Variants in HIF1A observed in about 807,000 individuals in gnomAD.
HIF1A encodes hypoxia inducible factor 1 subunit alpha.
Under a neutral mutation model 92.7 loss-of-function variants are expected in HIF1A, and 24 were observed. The ratio of observed to expected loss-of-function variants is 0.26; its 90% CI spans 0.19 to 0.36. HIF1A has a LOEUF of 0.36. Ranked by LOEUF, HIF1A falls within the 10% of genes least tolerant of loss-of-function variation. The probability of loss-of-function intolerance (pLI) is 1.00; values close to 1 mark genes in which losing one functional copy is unlikely to be tolerated. For missense variants in HIF1A, 799 were observed against 998.5 expected (o/e 0.80, Z 2.69); for synonymous variants, 319 against 338.7 (o/e 0.94, Z 0.64).
chr14:61,701,921 G>A (rs1181010889), intron 1 of HIF1A, among the ~76,000 whole-genome samples: 11 of 152,126 alleles, frequency 7.2e-5, no homozygotes, highest in Admixed American at 7.2e-4. Context: ...CTGGGAGGCG[G>A]AGGTTGCGGT....
chr14:61,729,369 G>A (rs2044546053), intron 6 of HIF1A, among the ~76,000 whole-genome samples: 1 of 151,314 alleles, frequency 6.6e-6, no homozygotes, highest in South Asian at 2.1e-4. Flanking sequence ...GGCTGAGGTA[G>A]GAGAATTGCT....
Position 61,747,860 on chromosome 14 carries a change from AC to A in HIF1A, c.*778del, listed in dbSNP as rs996771147. The A allele has an allele frequency of 3.3e-5, 5 of 152,492 alleles. No homozygotes were observed. The highest frequency in any genetic ancestry group is 1.2e-4 in the African/African-American group (5 of 41,442). 9.4% of individuals were successfully genotyped at this position (152,492 alleles called of 1,614,324 possible). On this transcript the variant is annotated 3_prime_UTR_variant, in exon 15 of 15. Transcript: ENST00000337138. ...CTTTGCCAGCTCAAAAGAAAACAAT[AC>A]CCTATGTAGTTGTGGAAGTTTATGC... is the stretch of plus-strand genomic sequence containing the variant.
rs375369096 is a variant in HIF1A at position 61,734,369 on chromosome 14, A to G, written c.1028+84A>G. 5 of 884,100 alleles carry G rather than the reference A, an allele frequency of 5.7e-6. No homozygotes were observed. In the South Asian group the frequency reaches 5.9e-5, roughly 10 times the overall value. 54.8% of individuals were successfully genotyped at this position (884,100 alleles called of 1,614,324 possible). ...CTCTGTTCATTTATAGGAAGATAAG[A>G]TAATAAATATTAACTAAATTTTAAT... is the stretch of plus-strand genomic sequence containing the variant. On this transcript the variant is annotated intron_variant, in intron 8 of 14. Transcript: ENST00000337138.
In HIF1A at chr14:61,738,429, A is replaced by G. The variant is rs536631488; in HGVS notation, c.1536+56A>G. 18 of 1,394,614 alleles carry G rather than the reference A, an allele frequency of 1.3e-5. No homozygotes were observed. The South Asian group carries it at 1.6e-4, about 13-fold the overall frequency. The allele number at this position is 1,394,614 out of a possible 1,614,324, so 86.4% of individuals were successfully genotyped here. On this transcript the variant is annotated intron_variant, in intron 10 of 14. Coordinates refer to ENST00000337138, the MANE Select transcript of HIF1A (RefSeq NM_001530.4). The stretch of plus-strand genomic sequence containing the variant: ...AACTTTCAGATTTTAACATTCAAGA[A>G]TGTATTTATAAGTTTGATTCAAACA...
intron 1 of HIF1A, among the ~76,000 whole-genome samples, chr14:61,707,059 G>T (rs72714566): frequency 6.6e-6 from 1 of 152,144 alleles, no homozygotes; most frequent in Non-Finnish European, 1.5e-5. Context: ...AAGCATTTGG[G>T]TAGGTTTTTT....
At chr14:61,740,410 T>C in intron 10 of HIF1A, 95 bp from the exon 11 acceptor site, 1 of 892,424 alleles carries the variant, frequency 1.1e-6, no homozygotes, top group Non-Finnish European at 1.7e-6. Flanking sequence ...GTTGTGTGTT[T>C]TCTGGTTTTT....
At chr14:61,706,115 G>A (rs1416896739) in intron 1 of HIF1A, among the ~76,000 whole-genome samples, 1 of 152,084 alleles carries the variant, frequency 6.6e-6, no homozygotes, top group Non-Finnish European at 1.5e-5. Context: ...CCATCTAAGA[G>A]CATATAAATA....
At chr14:61,695,889 GC>G in intron 1 of HIF1A, 50 bp downstream of exon 1, 1 of 1,527,672 alleles carries the variant, frequency 6.5e-7, no homozygotes, top group Non-Finnish European at 8.9e-7. Context: ...GACCCCGCCC[GC>G]CTGCCCGCCC....
chr14:61,727,049 A>G (rs2044514723), intron 5 of HIF1A, among the ~76,000 whole-genome samples: 1 of 152,250 alleles, frequency 6.6e-6, no homozygotes. Flanking sequence ...CTGGTGTTCC[A>G]GGCTTAATCA....
At chr14:61,711,895 T>C (rs1469782730) in intron 1 of HIF1A, among the ~76,000 whole-genome samples, 3 of 152,342 alleles carry the variant, frequency 2.0e-5, no homozygotes, top group Admixed American at 1.3e-4. Flanking sequence ...CTTCAACTAG[T>C]GATCGAATCT....
intron 7 of HIF1A, among the ~76,000 whole-genome samples, chr14:61,733,356 GTTTC>G (rs1291294607): frequency 6.6e-6 from 1 of 152,154 alleles, no homozygotes; most frequent in Non-Finnish European, 1.5e-5. Context: ...GCCTCTTTTA[GTTTC>G]TTTAAAATGT....
chr14:61,721,695 A>G, intron 3 of HIF1A, 41 bp downstream of exon 3: 1 of 1,610,120 alleles, frequency 6.2e-7, no homozygotes, highest in South Asian at 1.1e-5. Flanking sequence ...ATATGTTTTT[A>G]TGATTTTATG....
chr14:61,738,957 C>G (rs2044673318), intron 10 of HIF1A, among the ~76,000 whole-genome samples: 1 of 152,038 alleles, frequency 6.6e-6, no homozygotes. Flanking sequence ...CACTATGTTG[C>G]TCAGGCTGGT....
At chr14:61,745,331 G>A (rs2044766164) in intron 13 of HIF1A, among the ~76,000 whole-genome samples, 1 of 152,172 alleles carries the variant, frequency 6.6e-6, no homozygotes, top group Non-Finnish European at 1.5e-5. Context: ...GCTGAGGCAG[G>A]AGAATAGCTT....
intron 9 of HIF1A, 144 bp from the exon 10 acceptor site, chr14:61,737,943 C>T (rs990916823): frequency 4.6e-5 from 27 of 588,488 alleles, no homozygotes; most frequent in Non-Finnish European, 4.6e-5. Context: ...AGGGGAATTG[C>T]TTGAACCTGG....
chr14:61,727,800 G>A lies in HIF1A; in HGVS notation c.773+145G>A, dbSNP rs555710418. ...CACTTTGGAAGGCTGAGGCAAGCGG[G>A]GGGTGGATCATCTGAGGTCAGGAGA... is the stretch of plus-strand genomic sequence containing the variant. On this transcript the variant is annotated intron_variant, in intron 6 of 14. Transcript: ENST00000337138. 5 of 643,808 alleles carry A rather than the reference G, an allele frequency of 7.8e-6. No homozygotes were observed. The Admixed American group carries it at 9.5e-5, about 12-fold the overall frequency. The allele number at this position is 643,808 out of a possible 1,614,324, so 39.9% of individuals were successfully genotyped here.
rs1387964413 is a variant in HIF1A at position 61,747,087 on chromosome 14, C to G, written c.*2C>G. ...AGAGCTTTGGATCAAGTTAACTGAG[C>G]TTTTTCTTAATTTCATTCCTTTTTT... On this transcript the variant is annotated 3_prime_UTR_variant, in exon 15 of 15. Coordinates refer to ENST00000337138, the MANE Select transcript of HIF1A (RefSeq NM_001530.4). The G allele has an allele frequency of 1.9e-6, 3 of 1,598,562 alleles. No homozygotes were observed. The highest frequency in any genetic ancestry group is 1.7e-6 in the Non-Finnish European group (2 of 1,175,694).
At chr14:61,738,988 C>T (rs1390249213) in intron 10 of HIF1A, among the ~76,000 whole-genome samples, 2 of 152,032 alleles carry the variant, frequency 1.3e-5, no homozygotes, top group Admixed American at 6.6e-5. Context: ...TGGGCTCAAG[C>T]GATCCTCCTG....
At chr14:61,714,342 G>T (rs1355310907) in intron 1 of HIF1A, among the ~76,000 whole-genome samples, 1 of 152,198 alleles carries the variant, frequency 6.6e-6, no homozygotes, top group African/African-American at 2.4e-5. Context: ...GTTTTAGTAA[G>T]TACTGATGGT....
Sources: allele counts gnomAD v4.1 joint callset (sites outside exome capture counted in the v4.1 genomes callset), GRCh38; gene constraint gnomAD v4.1.1; transcripts MANE v1.5; gene names NCBI Gene and HGNC (gene_info 2026-07-23, HGNC 2026-07-21).